Variants in LFNG observed in about 807,000 individuals in gnomAD.
LFNG encodes the protein beta-1,3-N-acetylglucosaminyltransferase lunatic fringe.
In LFNG, 15 loss-of-function variants were observed where a neutral mutation model predicts 32.7. The ratio of observed to expected loss-of-function variants is 0.46; its 90% CI spans 0.31 to 0.71. LFNG has a LOEUF of 0.71. LFNG is among the 30% of genes least tolerant of loss of function. The pLI, the probability that LFNG is intolerant of heterozygous loss-of-function variation, is 0.06. For synonymous variants in LFNG, 274 were observed against 246.8 expected (o/e 1.11, Z -1.03); for missense variants, 520 against 545.7 (o/e 0.95, Z 0.47).
rs1779936681 is a variant in LFNG, at chr7:2,525,443, A to G, written c.611A>G (p.Tyr204Cys). ...TTCTGCCACGTGGACGATGACAACTACGTCAACCTGCGGGCCCTGCTGCGG... is the reference window on the plus strand; with the variant it reads ...TTCTGCCACGTGGACGATGACAACTGCGTCAACCTGCGGGCCCTGCTGCGG... ...KWFCHVDDDNYVNLRALLRLL... is the reference protein window; with the variant it reads ...KWFCHVDDDNCVNLRALLRLL... The change falls in exon 4 of 8, where the codon TAC becomes TGC. Residue 204 changes from tyrosine (Y) to cysteine (C), a missense_variant. Physicochemically the swap from Tyr to Cys is radical, Grantham distance 194. Coordinates refer to ENST00000222725, the MANE Select transcript of LFNG (RefSeq NM_001040167.2). 3 of 1,612,690 alleles carry G rather than the reference A, an allele frequency of 1.9e-6. No individual in the cohort carries two copies. Among genetic ancestry groups the G allele is most frequent in the African/African-American group, 2.7e-5 (2 of 74,914 alleles).
Position 2,524,718 on chromosome 7 carries a change from A to G in LFNG, c.456A>G (p.Glu152=). 1 of 1,590,554 alleles carries G rather than the reference A, an allele frequency of 6.3e-7. No homozygotes were observed. Among genetic ancestry groups the G allele is most frequent in the Non-Finnish European group, 8.6e-7 (1 of 1,168,696 alleles). Residue 152 remains glutamate (E), a synonymous_variant, in exon 2 of 8, where the codon GAA becomes GAG. Transcript: ENST00000222725. ...KEMTFIFTDG[E]DEALARHTGN... ...AGACGTTCATCTTCACTGACGGGGA[A>G]GATGAGGCCCTGGCCAGGCACACGG...
rs995335755 is a variant in LFNG, at chr7:2,527,495, C to T, written c.*283C>T. The T allele has an allele frequency of 1.4e-5, 19 of 1,376,518 alleles. No individual in the cohort carries two copies. The South Asian group carries it at 1.7e-4, about 12-fold the overall frequency. The allele number at this position is 1,376,518 out of a possible 1,614,324, so 85.3% of individuals were successfully genotyped here. A position where few individuals can be genotyped will look rare whatever the true frequency, so the allele number is the denominator to read the frequency against. On this transcript the variant is annotated 3_prime_UTR_variant, in exon 8 of 8. Transcript: ENST00000222725. The surrounding 1 kb of genome is among the most constrained non-coding windows in gnomAD (Gnocchi z 4.4). ...GAGGAAGGATTTGTGTGTCGGAGGCCACTCCGAGGGCAATTCTGTTAGGAT... is the reference window on the plus strand; with the variant it reads ...GAGGAAGGATTTGTGTGTCGGAGGCTACTCCGAGGGCAATTCTGTTAGGAT...
chr7:2,513,766 G>C (rs969909102), upstream of LFNG, among the ~76,000 whole-genome samples: 5 of 152,238 alleles, frequency 3.3e-5, no homozygotes, highest in African/African-American at 9.6e-5. Context: ...GTGGGTGTCT[G>C]GACTCTGCAG....
At position 2,528,260 on chromosome 7, in the gene LFNG, G is replaced by A. The variant is rs1392880018; in HGVS notation, c.*1048G>A. ...CCTCCTGTGTAGCTGCCACCTCCCCGCTGGGCCCAGCATGGCTCACCTGTC... is the reference window on the plus strand; with the variant it reads ...CCTCCTGTGTAGCTGCCACCTCCCCACTGGGCCCAGCATGGCTCACCTGTC... On this transcript the variant is annotated 3_prime_UTR_variant, in exon 8 of 8. Coordinates refer to ENST00000222725, the MANE Select transcript of LFNG (RefSeq NM_001040167.2). The A allele has an allele frequency of 7.1e-6, 7 of 985,942 alleles. No homozygotes were observed. Among genetic ancestry groups the A allele is most frequent in the South Asian group, 4.7e-5 (1 of 21,344 alleles). The allele number at this position is 985,942 out of a possible 1,614,324, so 61.1% of individuals were successfully genotyped here. A position where few individuals can be genotyped will look rare whatever the true frequency, so the allele number is the denominator to read the frequency against.
At chr7:2,512,759 C>CCAGGTTCACGAGCAAGA in intron 1 of LFNG, 1 of 1,534,016 alleles carries the variant, frequency 6.5e-7, no homozygotes, top group Non-Finnish European at 9.0e-7. Context: ...CCCTCTTGCT[C>CCAGGTTCACGAGCAAGA]GTGAACCTGG....
At position 2,528,069 on chromosome 7, in the gene LFNG, G is replaced by GGAGGGT. The variant is rs1780048127; in HGVS notation, c.*859_*864dup. ...GTAGGGTGTTCTTGTTTTTTGCTTG[G>GGAGGGT]GAGGGTGGGGGTGGGGGAGGGTCTT... On this transcript the variant is annotated 3_prime_UTR_variant, in exon 8 of 8. Coordinates refer to ENST00000222725, the MANE Select transcript of LFNG (RefSeq NM_001040167.2). 3.5e-6 allele frequency: 2 copies of GGAGGGT among 572,600 alleles called. No individual in the cohort carries two copies. The highest frequency in any genetic ancestry group is 1.6e-4 in the South Asian group (2 of 12,358). The allele number at this position is 572,600 out of a possible 1,614,324, so 35.5% of individuals were successfully genotyped here. A position where few individuals can be genotyped will look rare whatever the true frequency, so the allele number is the denominator to read the frequency against.
In LFNG at chr7:2,520,467, TC is replaced by T. The variant is rs1779759745; in HGVS notation, c.432+177del. On this transcript the variant is annotated intron_variant, in intron 1 of 7. Transcript: ENST00000222725. The surrounding 1 kb of genome is among the most constrained non-coding windows in gnomAD (Gnocchi z 5.0). ...CCCAGTTTGCCTGCTGGGGCCACTC[TC>T]CCGTTACAGTTGTGTTACTGTCCCC... Among the ~76,000 whole-genome samples the T allele has an allele frequency of 5.3e-5, 8 of 152,254 alleles. No individual in the cohort carries two copies. In the South Asian group the frequency reaches 1.7e-3, roughly 32 times the overall value.
Position 2,526,246 on chromosome 7 carries a change from G to A in LFNG, c.824G>A (p.Gly275Glu). Residue 275 changes from glycine to glutamate, a missense_variant and splice_region_variant, in exon 6 of 8, where the codon GGG (glycine) becomes GAG (glutamate). Physicochemically the swap from Gly to Glu is moderately conservative, Grantham distance 98 (BLOSUM62 -2). This residue lies in a region of LFNG where 150 missense variants were observed against 159.9 expected (regional missense o/e 0.94). Transcript: ENST00000222725. This position sits in a 1 kb window ranked among gnomAD's most constrained non-coding sequence, Gnocchi z 6.9. ...LALKMSPWAS[G>E]GHFMNTAERI... ...GTCTGGGCCCTTCCCTCCCGCAGCG[G>A]GGGTCACTTCATGAATACGGCTGAG... The A allele has an allele frequency of 6.2e-7, 1 of 1,612,940 alleles. No individual in the cohort carries two copies. Among genetic ancestry groups the A allele is most frequent in the South Asian group, 1.1e-5 (1 of 91,088 alleles).
exon 1 of LFNG, chr7:2,512,577 G>T: frequency 7.8e-7 from 1 of 1,288,698 alleles, no homozygotes; most frequent in Non-Finnish European, 1.1e-6. Context: ...GGAGGAGGGA[G>T]GACAGAGGCC....
chr7:2,518,017 G>A, upstream of LFNG: 1 of 729,640 alleles, frequency 1.4e-6, no homozygotes, highest in Non-Finnish European at 1.8e-6. Flanking sequence ...GGGGATGGAT[G>A]AGGCTCCGTC....
chr7:2,513,394 C>T, upstream of LFNG: 3 of 1,486,282 alleles, frequency 2.0e-6, no homozygotes, highest in South Asian at 4.0e-5. Context: ...CTGGAATATC[C>T]TTTGATGCTG....
Position 2,526,790 on chromosome 7 carries a change from A to G in LFNG, c.988-46A>G. 2.6e-6 allele frequency: 4 copies of G among 1,568,014 alleles called. No individual in the cohort carries two copies. Among genetic ancestry groups the G allele is most frequent in the Non-Finnish European group, 3.5e-6 (4 of 1,140,784 alleles). ...GTGTGGCCAGCCTGGGGCGGGGCCC[A>G]GGGATGTCGGGCCCCTCCCGGCATC... On this transcript the variant is annotated intron_variant, in intron 6 of 7. Transcript: ENST00000222725. The surrounding 1 kb of genome is among the most constrained non-coding windows in gnomAD (Gnocchi z 6.9).
At position 2,526,539 on chromosome 7, in the gene LFNG, G is replaced by C. The variant is rs569805598; in HGVS notation, c.987+130G>C. ...CCAGGCAGCACTCCACTGTCAGCCAGGGGGGGTCACTCCTGCCATGAGCTC... is the reference window on the plus strand; with the variant it reads ...CCAGGCAGCACTCCACTGTCAGCCACGGGGGGTCACTCCTGCCATGAGCTC... On this transcript the variant is annotated intron_variant, in intron 6 of 7. Transcript: ENST00000222725. This position sits in a 1 kb window ranked among gnomAD's most constrained non-coding sequence, Gnocchi z 6.9. 3.8e-5 allele frequency: 38 copies of C among 1,006,418 alleles called. No individual in the cohort carries two copies. In the East Asian group the frequency reaches 5.4e-4, roughly 14 times the overall value. 62.3% of individuals were successfully genotyped at this position (1,006,418 alleles called of 1,614,324 possible).
upstream of LFNG, chr7:2,517,534 A>G: frequency 2.5e-6 from 1 of 395,888 alleles, no homozygotes. Context: ...GCTGGGTCAA[A>G]GGCACCGCAG....
At chr7:2,528,479 GC>G, downstream of LFNG, 1 of 975,466 alleles carries the variant, frequency 1.0e-6, no homozygotes, top group Non-Finnish European at 1.2e-6. Flanking sequence ...CCCCAGGGCA[GC>G]CAGGGTCAGG....
At chr7:2,518,662 C>T, upstream of LFNG, 1 of 1,581,636 alleles carries the variant, frequency 6.3e-7, no homozygotes, top group South Asian at 1.1e-5. Flanking sequence ...GTGAACATAA[C>T]TCCGAGGGGG....
At chr7:2,517,911 T>A (rs1779668073), upstream of LFNG, 2 of 1,160,052 alleles carry the variant, frequency 1.7e-6, no homozygotes, top group Admixed American at 8.1e-5. Flanking sequence ...TGATCCTAGT[T>A]GTCCAGCTGC....
In LFNG at chr7:2,520,710, AG is replaced by A. The variant is rs2128375374; in HGVS notation, c.432+418del. Among the ~76,000 whole-genome samples, 1 of 152,344 alleles carries A rather than the reference AG, an allele frequency of 6.6e-6. No homozygotes were observed. The highest frequency in any genetic ancestry group is 2.4e-5 in the African/African-American group (1 of 41,576). On this transcript the variant is annotated intron_variant, in intron 1 of 7. Coordinates refer to ENST00000222725, the MANE Select transcript of LFNG (RefSeq NM_001040167.2). This position sits in a 1 kb window ranked among gnomAD's most constrained non-coding sequence, Gnocchi z 5.0. Reference sequence around the variant, plus strand: ...CTGGGGAGAAAGGCTCTTCCTTTAGAGAAGTGAGGGGTTCTGACCTCTGGGC... The same window carrying A: ...CTGGGGAGAAAGGCTCTTCCTTTAGAAAGTGAGGGGTTCTGACCTCTGGGC...
Position 2,520,272 on chromosome 7 carries a change from G to C in LFNG, c.411G>C (p.Trp137Cys). The change falls in exon 1 of 8, where the codon TGG becomes TGC. Residue 137 changes from tryptophan (W) to cysteine (C), a missense_variant. Physicochemically the swap from Trp to Cys is radical, Grantham distance 215. Around this residue, in one of 3 missense-constraint regions of LFNG, gnomAD observed 360 missense variants for 354.7 expected, o/e 1.01. Transcript: ENST00000222725. This position sits in a 1 kb window ranked among gnomAD's most constrained non-coding sequence, Gnocchi z 5.0. ...RARLDLLLET[W>C]ISRHKEMTFI... ...GCCTCGACCTGCTGCTGGAGACCTG[G>C]ATCTCGCGCCACAAGGAGATGGTGA... 6.2e-7 allele frequency: 1 copy of C among 1,610,026 alleles called. No homozygotes were observed. Among genetic ancestry groups the C allele is most frequent in the Non-Finnish European group, 8.5e-7 (1 of 1,178,724 alleles).
Sources: allele counts gnomAD v4.1 joint callset (sites outside exome capture counted in the v4.1 genomes callset), GRCh38; gene constraint gnomAD v4.1.1; regional missense constraint gnomAD v4.1.1; non-coding constraint Gnocchi (gnomAD v3.1); transcripts MANE v1.5; gene names NCBI Gene and HGNC (gene_info 2026-07-23, HGNC 2026-07-21).